The following OPCML variants were observed in gnomAD, a reference collection of about 807,000 sequenced individuals.
OPCML encodes opioid binding protein/cell adhesion molecule like.
Under a neutral mutation model 37.8 loss-of-function variants are expected in OPCML, and 13 were observed. The observed-to-expected ratio is 0.34, with a 90% CI of 0.22 to 0.55. OPCML has a LOEUF of 0.55. Among genes scored for constraint, OPCML ranks in the 20% least tolerant of loss-of-function variants. OPCML has a pLI of 0.91. For synonymous variants in OPCML, 176 were observed against 168.8 expected (o/e 1.04, Z -0.33); for missense variants, 341 against 435.6 (o/e 0.78, Z 1.93).
rs2136899954 is a variant in OPCML at position 133,423,457 on chromosome 11, T to C, written c.61+108807A>G. ...TGCATCTGCAGGCAAATCACTGAAA[T>C]TCTCTGCACTCTGTTAGGCTCCTGG... On this transcript the variant is annotated intron_variant, in intron 1 of 7. Transcript: ENST00000524381. The C allele has an allele frequency of 4.1e-6, 4 of 985,370 alleles. 1 individual carries two copies. In the African/African-American group the frequency reaches 7.0e-5, roughly 17 times the overall value. 61.0% of individuals were successfully genotyped at this position (985,370 alleles called of 1,614,324 possible).
At position 132,452,406 on chromosome 11, in the gene OPCML, C is replaced by G. The variant is rs564492976; in HGVS notation, c.506-15047G>C. Among the ~76,000 whole-genome samples the G allele has an allele frequency of 5.9e-5, 9 of 152,228 alleles. No individual in the cohort carries two copies. In the East Asian group the frequency reaches 1.7e-3, roughly 30 times the overall value. The stretch of plus-strand genomic sequence containing the variant: ...TTCCCACGATCTCCAAGGCAGACCT[C>G]CAGTCAGCGACAGCACCTCACACTG... On this transcript the variant is annotated intron_variant, in intron 4 of 7. Transcript: ENST00000524381.
intron 2 of OPCML, among the ~76,000 whole-genome samples, chr11:132,913,690 TTC>T (rs1367401482): frequency 6.6e-6 from 1 of 152,190 alleles, no homozygotes; most frequent in Non-Finnish European, 1.5e-5. Context: ...AGCTCTCAGC[TTC>T]TAGGGCAGCC....
At chr11:132,784,268 C>A (rs1346601223) in intron 2 of OPCML, among the ~76,000 whole-genome samples, 1 of 152,142 alleles carries the variant, frequency 6.6e-6, no homozygotes, top group Non-Finnish European at 1.5e-5. Flanking sequence ...TTAATAACTA[C>A]TAACTTCCCT....
At chr11:133,526,087 G>A (rs935714445) in intron 1 of OPCML, among the ~76,000 whole-genome samples, 4 of 152,222 alleles carry the variant, frequency 2.6e-5, no homozygotes, top group Admixed American at 6.5e-5. Context: ...TCTGGGGTGG[G>A]GGTGGCGACA....
intron 1 of OPCML, among the ~76,000 whole-genome samples, chr11:133,329,143 T>C (rs1352359906): frequency 3.9e-5 from 6 of 152,130 alleles, no homozygotes; most frequent in African/African-American, 9.7e-5. Context: ...GAAGGACCTC[T>C]TCAAGGAGAA....
chr11:133,521,814 C>T (rs1368279482), intron 1 of OPCML, among the ~76,000 whole-genome samples: 1 of 151,852 alleles, frequency 6.6e-6, no homozygotes, highest in Admixed American at 6.6e-5. Flanking sequence ...CTGGGATGTT[C>T]AGGAGAACCA....
At chr11:132,970,578 T>C (rs1946319469) in intron 1 of OPCML, among the ~76,000 whole-genome samples, 1 of 152,226 alleles carries the variant, frequency 6.6e-6, no homozygotes, top group Non-Finnish European at 1.5e-5. Flanking sequence ...TGGATCTTTA[T>C]AATAAAACTT....
chr11:132,564,624 G>GA (rs150266869), intron 3 of OPCML, among the ~76,000 whole-genome samples: 2,431 of 152,270 alleles, frequency 0.016, 29 homozygotes, highest in Non-Finnish European at 0.025. Context: ...CAGGCGCTTA[G>GA]AAAGTAGGCT....
chr11:132,420,371 C>T, intron 7 of OPCML, 78 bp from the exon 8 acceptor site: 3 of 1,561,332 alleles, frequency 1.9e-6, no homozygotes, highest in South Asian at 1.2e-5. Flanking sequence ...AGCAAATACA[C>T]ATACATGCTT....
rs1949804237 is a variant in OPCML, at chr11:133,141,002, ACGACGACGAC to A, written c.62-198002_62-197993del. On this transcript the variant is annotated intron_variant, in intron 1 of 7. Coordinates refer to ENST00000524381, the MANE Select transcript of OPCML (RefSeq NM_001012393.5). ...GAAGAAGAAGAAGAAGAAGAAGACG[ACGACGACGAC>A]GACGACGACGACGACGACGACGACG... 4.6e-4 allele frequency among the ~76,000 whole-genome samples: 4 copies of A among 8,630 alleles called. 1 individual carries two copies. The highest frequency in any genetic ancestry group is 6.4e-4 in the African/African-American group (3 of 4,666). The allele number at this position is 8,630 out of a possible 152,430, so 5.7% of individuals were successfully genotyped here.
intron 1 of OPCML, among the ~76,000 whole-genome samples, chr11:133,309,605 T>A (rs1420287958): frequency 6.6e-6 from 1 of 152,212 alleles, no homozygotes; most frequent in Non-Finnish European, 1.5e-5. Context: ...TTCTAATATG[T>A]TCTGTAGATT....
At chr11:132,442,761 C>T (rs1425316448) in intron 4 of OPCML, among the ~76,000 whole-genome samples, 1 of 152,104 alleles carries the variant, frequency 6.6e-6, no homozygotes, top group Admixed American at 6.5e-5. Flanking sequence ...TGGGAGTTCC[C>T]CTGCACAAGC....
At chr11:132,420,758 A>G (rs2136648976) in intron 7 of OPCML, among the ~76,000 whole-genome samples, 1 of 152,300 alleles carries the variant, frequency 6.6e-6, no homozygotes. Flanking sequence ...GTGTTGATGT[A>G]GCAGACTTGT....
chr11:132,701,961 ACTT>A (rs1943843525), intron 2 of OPCML, among the ~76,000 whole-genome samples: 1 of 151,318 alleles, frequency 6.6e-6, no homozygotes, highest in South Asian at 2.1e-4. Context: ...CTACACTTTA[ACTT>A]CTTCCCTACA....
intron 2 of OPCML, among the ~76,000 whole-genome samples, chr11:132,675,401 C>A (rs1459131843): frequency 6.6e-6 from 1 of 151,868 alleles, no homozygotes; most frequent in Non-Finnish European, 1.5e-5. Flanking sequence ...GGAACACAAA[C>A]ATTTCTATTC....
intron 1 of OPCML, among the ~76,000 whole-genome samples, chr11:133,234,335 C>T (rs1278767980): frequency 6.6e-6 from 1 of 152,178 alleles, no homozygotes; most frequent in Non-Finnish European, 1.5e-5. Context: ...GGCCCTAAAA[C>T]CTTTTTGGAG....
intron 1 of OPCML, chr11:133,361,238 G>C (rs969264699): frequency 1.3e-5 from 2 of 152,460 alleles, no homozygotes; most frequent in South Asian, 2.1e-4. Context: ...CCTGAGTGAC[G>C]GTTATTCAGC....
chr11:133,135,942 C>A (rs765113256), intron 1 of OPCML, among the ~76,000 whole-genome samples: 1 of 152,162 alleles, frequency 6.6e-6, no homozygotes, highest in Non-Finnish European at 1.5e-5. Flanking sequence ...TATGTAACAG[C>A]GGCAGAACTC....
At chr11:133,004,848 T>C in intron 1 of OPCML, 5 of 985,346 alleles carry the variant, frequency 5.1e-6, no homozygotes, top group Non-Finnish European at 6.0e-6. Context: ...TCAAACACCA[T>C]CCCCAAGACA....
Sources: gnomAD v4.1 joint callset for allele counts (sites outside exome capture counted in the v4.1 genomes callset) on GRCh38, gnomAD v4.1.1 for gene constraint, MANE v1.5 for transcripts, NCBI Gene and HGNC (gene_info 2026-07-23, HGNC 2026-07-21) for gene names.